MICU1: variants seen among roughly 807,000 people sequenced by gnomAD.
MICU1 encodes the protein mitochondrial calcium uptake 1.
In MICU1, 45 loss-of-function variants were observed where a neutral mutation model predicts 56.8. The ratio of observed to expected loss-of-function variants is 0.79; its 90% CI spans 0.62 to 1.02. The LOEUF is 1.02. Among genes scored for constraint, MICU1 ranks in the 50% least tolerant of loss-of-function variants. The pLI is 0.00. For missense variants in MICU1, 504 were observed against 587.1 expected (o/e 0.86, Z 1.46); for synonymous variants, 186 against 195.1 (o/e 0.95, Z 0.39).
chr10:72,608,271 C>T (rs1455151467), intron 1 of MICU1, among the ~76,000 whole-genome samples: 1 of 152,078 alleles, frequency 6.6e-6, no homozygotes, highest in Non-Finnish European at 1.5e-5. Context: ...AAAGTTTTGC[C>T]ATATTGGCCA....
chr10:72,590,082 C>T (rs1477602820), intron 1 of MICU1, among the ~76,000 whole-genome samples: 2 of 151,956 alleles, frequency 1.3e-5, no homozygotes, highest in East Asian at 1.9e-4. Context: ...ATAAATGGAT[C>T]AAGCTCTCCA....
intron 10 of MICU1, 83 bp from the exon 11 acceptor site, chr10:72,375,955 CATAATACAA>C (rs1862505378): frequency 7.9e-7 from 1 of 1,264,336 alleles, no homozygotes; most frequent in Admixed American, 2.2e-5. Flanking sequence ...ACGACTCAGT[CATAATACAA>C]GTTTTCAACT....
In MICU1 at chr10:72,569,916, T is replaced by TG. The variant is rs1182296252; in HGVS notation, c.-1-3123_-1-3122insC. 2.2e-4 allele frequency among the ~76,000 whole-genome samples: 34 copies of TG among 152,296 alleles called. 2 individuals carry two copies. In the East Asian group the frequency reaches 6.4e-3, roughly 29 times the overall value. The stretch of plus-strand genomic sequence containing the variant: ...AAAGAATCCATGCCCCCTTTGATTT[T>TG]TCTCAAAGCACAGTTCACTGATTCC... On this transcript the variant is annotated intron_variant, in intron 1 of 11. Coordinates refer to ENST00000361114, the MANE Select transcript of MICU1 (RefSeq NM_001195518.2).
intron 1 of MICU1, among the ~76,000 whole-genome samples, chr10:72,616,003 C>G (rs1841970384): frequency 1.3e-5 from 2 of 151,600 alleles, no homozygotes; most frequent in Admixed American, 1.3e-4. Flanking sequence ...AAACAAAAAA[C>G]AAAAAACAAA....
At chr10:72,551,777 T>G (rs2132445498) in intron 3 of MICU1, among the ~76,000 whole-genome samples, 1 of 152,258 alleles carries the variant, frequency 6.6e-6, no homozygotes, top group South Asian at 2.1e-4. Flanking sequence ...CCAGAAGAAT[T>G]TTTTTAACAT....
chr10:72,409,149 G>A (rs1589185787), intron 9 of MICU1, among the ~76,000 whole-genome samples: 1 of 152,278 alleles, frequency 6.6e-6, no homozygotes, highest in Middle Eastern at 3.4e-3. Context: ...ACTGGGAAAT[G>A]TCCTAGATAT....
chr10:72,509,331 T>C, intron 5 of MICU1: 4 of 1,262,184 alleles, frequency 3.2e-6, no homozygotes, highest in Non-Finnish European at 4.2e-6. Context: ...AAGAGGAGTA[T>C]GATGAAAACT....
chr10:72,565,848 G>A (rs1344451960), intron 2 of MICU1, among the ~76,000 whole-genome samples: 1 of 151,818 alleles, frequency 6.6e-6, no homozygotes, highest in Non-Finnish European at 1.5e-5. Flanking sequence ...AAAACAGAGA[G>A]TGACAGAGTC....
chr10:72,494,957 C>T (rs1866789070), intron 6 of MICU1, among the ~76,000 whole-genome samples: 1 of 152,116 alleles, frequency 6.6e-6, no homozygotes, highest in Non-Finnish European at 1.5e-5. Context: ...ATCTCAGCCT[C>T]AGTTATTAGA....
chr10:72,514,586 C>T (rs969652621), intron 5 of MICU1, among the ~76,000 whole-genome samples: 53 of 152,140 alleles, frequency 3.5e-4, no homozygotes, highest in Admixed American at 7.9e-4. Context: ...CTCTGTTCAC[C>T]TTAGTGAGCA....
At position 72,468,645 on chromosome 10, in the gene MICU1, G is replaced by A. The variant is rs114756090; in HGVS notation, c.933+6455C>T. Among the ~76,000 whole-genome samples the A allele has an allele frequency of 6.9e-3, 1,042 of 151,712 alleles. 12 individuals are homozygous for A. Among genetic ancestry groups the A allele is most frequent in the African/African-American group, 0.024 (980 of 41,394 alleles). On this transcript the variant is annotated intron_variant, in intron 8 of 11. Transcript: ENST00000361114. ...GAAAAAAAAAAGAGATCAGAATTAAGAGCATTAAAATAGCTGTAAAATCCA... is the reference window on the plus strand; with the variant it reads ...GAAAAAAAAAAGAGATCAGAATTAAAAGCATTAAAATAGCTGTAAAATCCA...
At chr10:72,482,477 T>C (rs539184993) in intron 6 of MICU1, among the ~76,000 whole-genome samples, 27 of 152,198 alleles carry the variant, frequency 1.8e-4, no homozygotes, top group Non-Finnish European at 3.2e-4. Context: ...CTCTATTCAA[T>C]GATGAGCTTT....
At chr10:72,500,237 A>G (rs1866977329) in intron 6 of MICU1, among the ~76,000 whole-genome samples, 1 of 138,960 alleles carries the variant, frequency 7.2e-6, no homozygotes, top group African/African-American at 2.7e-5. Context: ...CTTAATGATA[A>G]ACTATTATAT....
At chr10:72,460,308 C>A (rs1018322957) in intron 8 of MICU1, among the ~76,000 whole-genome samples, 1 of 152,108 alleles carries the variant, frequency 6.6e-6, no homozygotes, top group African/African-American at 2.4e-5. Flanking sequence ...TAGCTTGTAA[C>A]CTAGAATGTA....
At chr10:72,497,457 A>G (rs1866885367) in intron 6 of MICU1, among the ~76,000 whole-genome samples, 1 of 152,202 alleles carries the variant, frequency 6.6e-6, no homozygotes, top group African/African-American at 2.4e-5. Context: ...GTTTAAATGA[A>G]AGGTCCAGCT....
At chr10:72,417,409 A>C (rs1864017053) in intron 9 of MICU1, among the ~76,000 whole-genome samples, 1 of 150,378 alleles carries the variant, frequency 6.6e-6, no homozygotes, top group Non-Finnish European at 1.5e-5. Context: ...AGCCGAGATC[A>C]GGCCACTGCA....
intron 10 of MICU1, among the ~76,000 whole-genome samples, chr10:72,403,506 C>T (rs1863526674): frequency 1.3e-5 from 2 of 151,828 alleles, no homozygotes; most frequent in Non-Finnish European, 2.9e-5. Context: ...TGTAAGCCAC[C>T]ACATGCAGCT....
chr10:72,439,016 T>C (rs1012059162), intron 8 of MICU1, among the ~76,000 whole-genome samples: 20 of 152,142 alleles, frequency 1.3e-4, no homozygotes, highest in Middle Eastern at 3.4e-3. Flanking sequence ...TTCCAATCAA[T>C]AGAAAAAGAG....
At chr10:72,385,350 C>T (rs11000283) in intron 10 of MICU1, among the ~76,000 whole-genome samples, 2,928 of 151,928 alleles carry the variant, frequency 0.019, 53 homozygotes, top group Middle Eastern at 0.054. Flanking sequence ...ATTAGCTGGG[C>T]GTGGTGGTGT....
Sources: allele counts gnomAD v4.1 joint callset (sites outside exome capture counted in the v4.1 genomes callset), GRCh38; gene constraint gnomAD v4.1.1; transcripts MANE v1.5; gene names NCBI Gene and HGNC (gene_info 2026-07-23, HGNC 2026-07-21).